The following SND1 variants were observed in gnomAD, a reference collection of about 807,000 sequenced individuals.
The protein encoded by SND1 is staphylococcal nuclease domain-containing protein 1.
SND1 carries 38 observed loss-of-function variants against 121.7 expected under a neutral mutation model. The ratio of observed to expected loss-of-function variants is 0.31; its 90% CI spans 0.24 to 0.41. The LOEUF (loss-of-function observed/expected upper bound fraction) is 0.41. Ranked by LOEUF, SND1 falls within the 10% of genes least tolerant of loss-of-function variation. The pLI is 1.00. For synonymous variants in SND1, 401 were observed against 447.4 expected, an observed-to-expected ratio of 0.90 and a Z score of 1.31; for missense variants, 868 against 1,184.6, an observed-to-expected ratio of 0.73 and a Z score of 3.92.
intron 1 of SND1, among the ~76,000 whole-genome samples, chr7:127,680,867 A>C (rs182960859): frequency 5.7e-4 from 87 of 152,004 alleles, no homozygotes; most frequent in Non-Finnish European, 1.1e-3. Flanking sequence ...GAATCTTCAC[A>C]ATTTATGTTT....
At chr7:127,669,819 G>A (rs1795483155) in intron 1 of SND1, among the ~76,000 whole-genome samples, 1 of 152,172 alleles carries the variant, frequency 6.6e-6, no homozygotes, top group African/African-American at 2.4e-5. Flanking sequence ...GATCAAAGGT[G>A]TGGGGACAGG....
At chr7:127,707,766 A>AGTGT (rs35627839) in intron 9 of SND1, 119 bp downstream of exon 9, 40,040 of 405,992 alleles carry the variant, frequency 0.099, 1,707 homozygotes, top group Non-Finnish European at 0.11. Context: ...AGCCAGTAGG[A>AGTGT]GTGTGTGTGT....
chr7:127,927,813 A>G (rs1800871983), intron 14 of SND1, among the ~76,000 whole-genome samples: 1 of 152,208 alleles, frequency 6.6e-6, no homozygotes, highest in African/African-American at 2.4e-5. Flanking sequence ...TCATTATCTA[A>G]TGTGCATTAA....
At chr7:128,082,422 G>A (rs890743320) in intron 18 of SND1, among the ~76,000 whole-genome samples, 5 of 152,190 alleles carry the variant, frequency 3.3e-5, no homozygotes, top group African/African-American at 9.7e-5. Context: ...CTCCAGCCCC[G>A]TCTCAGCCAC....
chr7:127,953,151 C>T (rs1163106032), intron 15 of SND1, among the ~76,000 whole-genome samples: 1 of 92,272 alleles, frequency 1.1e-5, no homozygotes, highest in Admixed American at 1.3e-4. Flanking sequence ...GTGACAAGAC[C>T]GTGTGTGTGT....
Position 128,092,373 on chromosome 7 carries a change from G to A in SND1, c.*315G>A. ...ATCAGGAAGAAACATCAAAGACTATGTCCTAGTGGAGGGAGTAATCCTAAC... is the reference window on the plus strand; with the variant it reads ...ATCAGGAAGAAACATCAAAGACTATATCCTAGTGGAGGGAGTAATCCTAAC... On this transcript the variant is annotated 3_prime_UTR_variant, in exon 24 of 24. Coordinates refer to ENST00000354725, the MANE Select transcript of SND1 (RefSeq NM_014390.4). The surrounding 1 kb of genome is among the most constrained non-coding windows in gnomAD (Gnocchi z 4.9). The A allele has an allele frequency of 2.7e-6, 1 of 371,168 alleles. No homozygotes were observed. The highest frequency in any genetic ancestry group is 4.9e-6 in the Non-Finnish European group (1 of 204,010). 23.0% of individuals were successfully genotyped at this position (371,168 alleles called of 1,614,324 possible). A position where few individuals can be genotyped will look rare whatever the true frequency, so the allele number is the denominator to read the frequency against.
At chr7:127,731,874 C>T (rs565188195) in intron 10 of SND1, among the ~76,000 whole-genome samples, 9 of 152,322 alleles carry the variant, frequency 5.9e-5, no homozygotes, top group East Asian at 1.9e-4. Context: ...ATACCGTAGA[C>T]GGAACCTGAC....
At chr7:127,925,577 CTTTA>C (rs1423651218) in intron 14 of SND1, among the ~76,000 whole-genome samples, 1 of 150,076 alleles carries the variant, frequency 6.7e-6, no homozygotes, top group African/African-American at 2.4e-5. Flanking sequence ...GGTCTTAAAT[CTTTA>C]TTTATATATA....
At chr7:127,993,979 A>C (rs908871759) in intron 16 of SND1, among the ~76,000 whole-genome samples, 2 of 152,224 alleles carry the variant, frequency 1.3e-5, no homozygotes, top group Admixed American at 1.3e-4. Flanking sequence ...TGCCAGGCAG[A>C]GAACAGGAAG....
chr7:128,086,334 C>T (rs1434682594), intron 20 of SND1: 5 of 170,734 alleles, frequency 2.9e-5, no homozygotes, highest in Non-Finnish European at 5.1e-5. Context: ...AGGAGGGTGA[C>T]GCTCCTGAGT....
In SND1 at chr7:127,741,682, A is replaced by G. The variant is rs537492213; in HGVS notation, c.1152+20282A>G. Among the ~76,000 whole-genome samples, 3 of 152,270 alleles carry G rather than the reference A, an allele frequency of 2.0e-5. No homozygotes were observed. The South Asian group carries it at 6.2e-4, about 32-fold the overall frequency. ...CCTGTTATGGCCCTTAGGAGACCTA[A>G]TCATTTCACTTCTGCAGGTGACTTT... On this transcript the variant is annotated intron_variant, in intron 10 of 23. Transcript: ENST00000354725.
At chr7:127,891,237 G>C (rs1241583724) in intron 13 of SND1, among the ~76,000 whole-genome samples, 1 of 152,044 alleles carries the variant, frequency 6.6e-6, no homozygotes, top group African/African-American at 2.4e-5. Flanking sequence ...TTTTGTTTTG[G>C]TGGCTGTGGT....
At chr7:128,034,530 C>G (rs1185288314) in intron 16 of SND1, among the ~76,000 whole-genome samples, 1 of 152,208 alleles carries the variant, frequency 6.6e-6, no homozygotes, top group Non-Finnish European at 1.5e-5. Flanking sequence ...TCCTCTGCTA[C>G]TGTAGGCAAA....
chr7:127,970,705 G>A (rs1204166798), intron 15 of SND1, among the ~76,000 whole-genome samples: 1 of 152,040 alleles, frequency 6.6e-6, no homozygotes, highest in Non-Finnish European at 1.5e-5. Context: ...TTTTATCTTG[G>A]TAACTTTAAC....
chr7:128,053,503 T>C (rs1222705406), intron 16 of SND1, among the ~76,000 whole-genome samples: 1 of 152,050 alleles, frequency 6.6e-6, no homozygotes, highest in East Asian at 1.9e-4. Context: ...TTTCGGAAGG[T>C]AATATTTTCC....
intron 11 of SND1, among the ~76,000 whole-genome samples, chr7:127,817,352 C>T (rs756666996): frequency 2.6e-5 from 4 of 152,092 alleles, no homozygotes; most frequent in Non-Finnish European, 4.4e-5. Context: ...CAGTCATAAC[C>T]CTGACTCTTA....
intron 10 of SND1, among the ~76,000 whole-genome samples, chr7:127,773,541 A>G (rs1012461805): frequency 7.4e-5 from 11 of 149,570 alleles, no homozygotes; most frequent in Non-Finnish European, 1.3e-4. Flanking sequence ...TGAAATTAGG[A>G]AAAAAAAAAG....
At chr7:128,077,120 A>G (rs893154244) in intron 17 of SND1, among the ~76,000 whole-genome samples, 2 of 152,146 alleles carry the variant, frequency 1.3e-5, no homozygotes, top group African/African-American at 2.4e-5. Flanking sequence ...ATTGGCTTTT[A>G]TTGAGCTTGG....
intron 15 of SND1, among the ~76,000 whole-genome samples, chr7:127,955,046 A>T (rs964011829): frequency 6.6e-6 from 1 of 152,148 alleles, no homozygotes; most frequent in African/African-American, 2.4e-5. Context: ...GGTTTGAAGG[A>T]TACTGGCTCA....
Sources: allele counts gnomAD v4.1 joint callset (sites outside exome capture counted in the v4.1 genomes callset), GRCh38; gene constraint gnomAD v4.1.1; non-coding constraint Gnocchi (gnomAD v3.1); transcripts MANE v1.5; gene names NCBI Gene and HGNC (gene_info 2026-07-23, HGNC 2026-07-21).